Variants in RADIL observed in about 807,000 individuals in gnomAD.
RADIL encodes Rap associating with DIL domain.
Under a neutral mutation model 97.6 loss-of-function variants are expected in RADIL, and 99 were observed. That is an observed-to-expected ratio of 1.01 (90% CI 0.86 to 1.20). The LOEUF (loss-of-function observed/expected upper bound fraction) is 1.20. Ranked by LOEUF, RADIL falls within the 50% of genes most tolerant of loss-of-function variation. RADIL has a pLI of 0.00. For synonymous variants in RADIL, 803 were observed against 691.8 expected (o/e 1.16, Z -2.52); for missense variants, 1,765 against 1,498.9 (o/e 1.18, Z -2.93).
At chr7:4,801,531 G>A (rs970391425) in intron 12 of RADIL, 122 bp downstream of exon 12, 154 of 1,074,424 alleles carry the variant, frequency 1.4e-4, no homozygotes, top group Admixed American at 2.2e-4. Context: ...CAGGTTGCAG[G>A]TGTCTGTGGG....
rs192525343 is a variant in RADIL, at chr7:4,880,332, G to A, written c.-64-2129C>T. On this transcript the variant is annotated intron_variant, in intron 1 of 14. Coordinates refer to ENST00000399583, the MANE Select transcript of RADIL (RefSeq NM_018059.5). The surrounding 1 kb of genome is among the most constrained non-coding windows in gnomAD (Gnocchi z 4.5). ...CCCCCACGGACTCATCAAAGGCCTC[G>A]GTTTCATTTACAACAAAAGCATTTT... Among the ~76,000 whole-genome samples, 14 of 152,236 alleles carry A rather than the reference G, an allele frequency of 9.2e-5. No homozygotes were observed. Among genetic ancestry groups the A allele is most frequent in the Non-Finnish European group, 1.6e-4 (11 of 67,996 alleles).
intron 1 of RADIL, among the ~76,000 whole-genome samples, chr7:4,882,918 G>A (rs1784514640): frequency 6.6e-6 from 1 of 152,192 alleles, no homozygotes; most frequent in African/African-American, 2.4e-5. Flanking sequence ...GGGCAGGGCA[G>A]GATGGTCCGC....
intron 3 of RADIL, 91 bp downstream of exon 3, chr7:4,836,267 G>C: frequency 6.5e-6 from 10 of 1,529,904 alleles, no homozygotes; most frequent in Non-Finnish European, 8.8e-6. Flanking sequence ...CGGCCGACTG[G>C]GCTAAAGGCA....
At position 4,863,393 on chromosome 7, in the gene RADIL, A is replaced by G. The variant is rs191467682; in HGVS notation, c.535+14212T>C. On this transcript the variant is annotated intron_variant, in intron 2 of 14. Transcript: ENST00000399583. ...AAACTGTATAGTTTGTTGTTATCCAAGAACTCAGAGTGGTATTACCTCTTG... is the reference window on the plus strand; with the variant it reads ...AAACTGTATAGTTTGTTGTTATCCAGGAACTCAGAGTGGTATTACCTCTTG... Among the ~76,000 whole-genome samples the G allele has an allele frequency of 2.5e-3, 376 of 152,328 alleles. 2 individuals are homozygous for G. Among genetic ancestry groups the G allele is most frequent in the African/African-American group, 8.3e-3 (345 of 41,578 alleles).
At chr7:4,809,361 C>A in intron 9 of RADIL, 3 of 985,310 alleles carry the variant, frequency 3.0e-6, no homozygotes, top group Non-Finnish European at 3.6e-6. Context: ...CTAGAAATAT[C>A]CCCGCCCGGC....
Position 4,877,922 on chromosome 7 carries a change from C to G in RADIL, c.218G>C (p.Cys73Ser), listed in dbSNP as rs1345572339. Residue 73 changes from cysteine to serine, a missense_variant, in exon 2 of 15, where the codon TGC becomes TCC. Coordinates refer to ENST00000399583, the MANE Select transcript of RADIL (RefSeq NM_018059.5). ...GACGCTCTTGTAGTGGGTTCCTGTG[C>G]AGACACTGTCCCCAAACACCTTCAG... Reference protein sequence around the residue: ...GVLKVFGDSVCTGTHYKSVLA... With the variant: ...GVLKVFGDSVSTGTHYKSVLA... 3.7e-6 allele frequency: 6 copies of G among 1,607,400 alleles called. No individual in the cohort carries two copies. The highest frequency in any genetic ancestry group is 5.1e-6 in the Non-Finnish European group (6 of 1,179,968).
chr7:4,879,088 C>A lies in RADIL; in HGVS notation c.-64-885G>T, dbSNP rs1318117019. Reference sequence around the variant, plus strand: ...GGGATGGCAGCACTGAGTGGCCTCGCAAGCACGGCGGGCACAAAGGGCCCC... The same window carrying A: ...GGGATGGCAGCACTGAGTGGCCTCGAAAGCACGGCGGGCACAAAGGGCCCC... On this transcript the variant is annotated intron_variant, in intron 1 of 14. Transcript: ENST00000399583. The surrounding 1 kb of genome is among the most constrained non-coding windows in gnomAD (Gnocchi z 4.1). Among the ~76,000 whole-genome samples, 2 of 152,240 alleles carry A rather than the reference C, an allele frequency of 1.3e-5. No homozygotes were observed. Among genetic ancestry groups the A allele is most frequent in the Non-Finnish European group, 2.9e-5 (2 of 68,046 alleles).
chr7:4,815,078 C>T lies in RADIL; in HGVS notation c.2139+200G>A, dbSNP rs1782643376. ...GGGTAAGACGGTCACGGGTCTCAGA[C>T]ATCTTTGGGCCATTATCCTGTCTAC... On this transcript the variant is annotated intron_variant, in intron 9 of 14. Transcript: ENST00000399583. This position sits in a 1 kb window ranked among gnomAD's most constrained non-coding sequence, Gnocchi z 8.0. Among the ~76,000 whole-genome samples the T allele has an allele frequency of 6.6e-6, 1 of 152,180 alleles. No individual in the cohort carries two copies.
rs1781998215 is a variant in RADIL, at chr7:4,799,381, G to A, written c.3225C>T (p.Leu1075=). The part of the protein sequence containing the change: ...AKKIHFRTPP[L] ...TGGGGGTGTCCTCGCAGCCCCCCTAGAGAGGGGGCGTGCGGAAATGGATCT... is the reference window on the plus strand; with the variant it reads ...TGGGGGTGTCCTCGCAGCCCCCCTAAAGAGGGGGCGTGCGGAAATGGATCT... Residue 1075 remains leucine, a synonymous_variant, in exon 15 of 15, where the codon CTC becomes CTT. Transcript: ENST00000399583. 3 of 1,613,120 alleles carry A rather than the reference G, an allele frequency of 1.9e-6. No homozygotes were observed. Among genetic ancestry groups the A allele is most frequent in the Admixed American group, 3.3e-5 (2 of 60,016 alleles).
chr7:4,827,301 G>A (rs1783012754), intron 5 of RADIL, among the ~76,000 whole-genome samples: 1 of 151,314 alleles, frequency 6.6e-6, no homozygotes, highest in African/African-American at 2.4e-5. Context: ...GGAGGCGGAG[G>A]CTGCGGTGAA....
chr7:4,809,304 G>A (rs890898385), intron 9 of RADIL: 4 of 985,238 alleles, frequency 4.1e-6, no homozygotes, highest in Admixed American at 6.1e-5. Flanking sequence ...TCCTGCCCTC[G>A]GCTCGGCCTA....
At chr7:4,862,561 C>T (rs1026632846) in intron 2 of RADIL, among the ~76,000 whole-genome samples, 2 of 152,186 alleles carry the variant, frequency 1.3e-5, no homozygotes, top group Non-Finnish European at 2.9e-5. Flanking sequence ...GTCCCTAGTG[C>T]CCTGTGATCC....
chr7:4,847,673 A>G (rs1337344676), intron 2 of RADIL, among the ~76,000 whole-genome samples: 3 of 149,872 alleles, frequency 2.0e-5, no homozygotes, highest in African/African-American at 7.4e-5. Context: ...AAGGAACAAA[A>G]TACTGATGAT....
Position 4,877,983 on chromosome 7 carries a change from C to A in RADIL, c.157G>T (p.Ala53Ser), listed in dbSNP as rs770281459. Residue 53 changes from alanine to serine, a missense_variant, in exon 2 of 15, where the codon GCC becomes TCC. Ala to Ser is a moderately conservative substitution (Grantham distance 99). Transcript: ENST00000399583. ...FSSLGASDDP[A>S]ELSTQLSAPG... ...GCCGACAGCTGGGTGGAGAGCTCGG[C>A]GGGGTCATCGCTGGCGCCCAGGCTG... 3.1e-6 allele frequency: 5 copies of A among 1,609,898 alleles called. No homozygotes were observed. In the East Asian group the frequency reaches 8.9e-5, roughly 29 times the overall value.
chr7:4,826,711 C>G (rs867103790), intron 5 of RADIL, among the ~76,000 whole-genome samples: 4 of 136,766 alleles, frequency 2.9e-5, no homozygotes, highest in Middle Eastern at 4.4e-3. Context: ...CCAGCTTGGG[C>G]AACAGAGCGA....
chr7:4,848,033 C>CA (rs536133219), intron 2 of RADIL, among the ~76,000 whole-genome samples: 1 of 151,558 alleles, frequency 6.6e-6, no homozygotes, highest in South Asian at 2.1e-4. Context: ...CTGTCTCTAC[C>CA]AAAAATACAA....
chr7:4,823,564 TG>T (rs560500749), intron 5 of RADIL, among the ~76,000 whole-genome samples: 1 of 151,962 alleles, frequency 6.6e-6, no homozygotes, highest in East Asian at 1.9e-4. Flanking sequence ...AGGTAGGGGT[TG>T]GGGGGGCGCC....
rs530714544 is a variant in RADIL at position 4,834,462 on chromosome 7, G to A, written c.1416+145C>T. On this transcript the variant is annotated intron_variant, in intron 4 of 14. Coordinates refer to ENST00000399583, the MANE Select transcript of RADIL (RefSeq NM_018059.5). This position sits in a 1 kb window ranked among gnomAD's most constrained non-coding sequence, Gnocchi z 6.0. Reference sequence around the variant, plus strand: ...CTGTGGGGCTGGGGGGCAGCGACAGGCAGGGAAAGGCCGCCCTGCGCTCAG... The same window carrying A: ...CTGTGGGGCTGGGGGGCAGCGACAGACAGGGAAAGGCCGCCCTGCGCTCAG... 175 of 974,632 alleles carry A rather than the reference G, an allele frequency of 1.8e-4. 1 individual carries two copies. The African/African-American group carries it at 2.6e-3, about 14-fold the overall frequency. The allele number at this position is 974,632 out of a possible 1,614,324, so 60.4% of individuals were successfully genotyped here.
chr7:4,817,141 C>G lies in RADIL; in HGVS notation c.1728+98G>C. ...AGCTTGTCACGGTCCCCTCCCTCAGCCCCCCAGAAGGCTCCTTAGGAGAGC... is the reference window on the plus strand; with the variant it reads ...AGCTTGTCACGGTCCCCTCCCTCAGGCCCCCAGAAGGCTCCTTAGGAGAGC... On this transcript the variant is annotated intron_variant, in intron 7 of 14. Coordinates refer to ENST00000399583, the MANE Select transcript of RADIL (RefSeq NM_018059.5). This position sits in a 1 kb window ranked among gnomAD's most constrained non-coding sequence, Gnocchi z 8.3. 9.5e-7 allele frequency: 1 copy of G among 1,050,248 alleles called. No individual in the cohort carries two copies. The highest frequency in any genetic ancestry group is 1.4e-6 in the Non-Finnish European group (1 of 712,844). 65.1% of individuals were successfully genotyped at this position (1,050,248 alleles called of 1,614,324 possible).
Sources: gnomAD v4.1 joint callset for allele counts (sites outside exome capture counted in the v4.1 genomes callset) on GRCh38, gnomAD v4.1.1 for gene constraint, Gnocchi (gnomAD v3.1) non-coding constraint, MANE v1.5 for transcripts, NCBI Gene and HGNC (gene_info 2026-07-23, HGNC 2026-07-21) for gene names.